Variants in SLC44A5 observed in about 807,000 individuals in gnomAD.
SLC44A5 encodes choline transporter-like protein 5.
SLC44A5 carries 57 observed loss-of-function variants against 101.8 expected under a neutral mutation model. The observed-to-expected ratio is 0.56, with a 90% CI of 0.45 to 0.70. The LOEUF (loss-of-function observed/expected upper bound fraction) is 0.70, where lower values mean the gene tolerates loss of function less well. Ranked by LOEUF, SLC44A5 falls within the 30% of genes least tolerant of loss-of-function variation. The pLI, the probability that SLC44A5 is intolerant of heterozygous loss-of-function variation, is 0.00. For missense variants in SLC44A5, 737 were observed against 853.1 expected (o/e 0.86, Z 1.70); for synonymous variants, 281 against 290.9 (o/e 0.97, Z 0.35).
chr1:75,453,250 A>G (rs1666004751), intron 2 of SLC44A5, among the ~76,000 whole-genome samples: 2 of 152,182 alleles, frequency 1.3e-5, no homozygotes, highest in African/African-American at 4.8e-5. Context: ...CCACACAATT[A>G]CATAGAAATT....
At position 75,476,858 on chromosome 1, in the gene SLC44A5, G is replaced by A. The variant is rs4478772; in HGVS notation, c.13+64577C>T. 2.0e-3 allele frequency among the ~76,000 whole-genome samples: 306 copies of A among 152,340 alleles called. 1 individual carries two copies. Among genetic ancestry groups the A allele is most frequent in the African/African-American group, 7.2e-3 (300 of 41,584 alleles). On this transcript the variant is annotated intron_variant, in intron 2 of 23. Transcript: ENST00000370859. Reference sequence around the variant, plus strand: ...AAACAAAAAGACAGCAGTAACCTCTGCAGACTTAAATGTTCCTGTCTGACA... The same window carrying A: ...AAACAAAAAGACAGCAGTAACCTCTACAGACTTAAATGTTCCTGTCTGACA...
chr1:75,217,274 C>T (rs1418300453), intron 18 of SLC44A5, among the ~76,000 whole-genome samples: 1 of 151,986 alleles, frequency 6.6e-6, no homozygotes, highest in East Asian at 1.9e-4. Context: ...TATTTTACCT[C>T]TATATGTCTG....
At chr1:75,392,228 A>C (rs915965067) in intron 3 of SLC44A5, among the ~76,000 whole-genome samples, 9 of 152,136 alleles carry the variant, frequency 5.9e-5, no homozygotes, top group Non-Finnish European at 1.0e-4. Context: ...ACAGGTAAAG[A>C]GACAACTGAC....
At chr1:75,578,092 TA>T (rs1673475015) in intron 1 of SLC44A5, among the ~76,000 whole-genome samples, 1 of 152,134 alleles carries the variant, frequency 6.6e-6, no homozygotes, top group African/African-American at 2.4e-5. Flanking sequence ...AACTAGTTTT[TA>T]ATAGCTTTTA....
chr1:75,550,921 T>C (rs897692939), intron 1 of SLC44A5, among the ~76,000 whole-genome samples: 1 of 152,176 alleles, frequency 6.6e-6, no homozygotes, highest in African/African-American at 2.4e-5. Flanking sequence ...AATATTACTT[T>C]AACTTTTCTA....
chr1:75,517,481 G>A (rs539838745), intron 2 of SLC44A5, among the ~76,000 whole-genome samples: 1 of 152,044 alleles, frequency 6.6e-6, no homozygotes, highest in Non-Finnish European at 1.5e-5. Flanking sequence ...GGATCAAACA[G>A]CCCCAAAAAA....
chr1:75,333,779 G>A (rs547990499), intron 4 of SLC44A5, among the ~76,000 whole-genome samples: 25 of 152,236 alleles, frequency 1.6e-4, no homozygotes, highest in African/African-American at 5.5e-4. Flanking sequence ...GGAGTAAGAA[G>A]AATGTAGAAA....
the SLC44A5 span, among the ~76,000 whole-genome samples, chr1:75,680,491 C>T: frequency 2.6e-5 from 4 of 151,264 alleles, no homozygotes; most frequent in Non-Finnish European, 5.9e-5. Flanking sequence ...GGAAACTGAA[C>T]AACCTGCTCC....
At chr1:75,415,379 G>A (rs1234069956) in intron 2 of SLC44A5, among the ~76,000 whole-genome samples, 1 of 152,146 alleles carries the variant, frequency 6.6e-6, no homozygotes, top group African/African-American at 2.4e-5. Context: ...TGTAGGATGT[G>A]ATTTGCTCTT....
chr1:75,461,605 T>C (rs1666502639), intron 2 of SLC44A5, among the ~76,000 whole-genome samples: 1 of 152,204 alleles, frequency 6.6e-6, no homozygotes, highest in South Asian at 2.1e-4. Context: ...ATTGAGTTAC[T>C]GTCTAGGCCA....
chr1:75,510,456 A>C (rs2101868217), intron 2 of SLC44A5, among the ~76,000 whole-genome samples: 1 of 152,344 alleles, frequency 6.6e-6, no homozygotes, highest in East Asian at 1.9e-4. Context: ...TATGGGTACA[A>C]AAATTGAAAA....
intron 21 of SLC44A5, 61 bp downstream of exon 21, chr1:75,213,858 A>G: frequency 6.5e-7 from 1 of 1,532,370 alleles, no homozygotes; most frequent in Non-Finnish European, 8.9e-7. Flanking sequence ...TTTGTAGTAA[A>G]GCAGTTTTTC....
chr1:75,388,100 T>C (rs1661507821), intron 3 of SLC44A5, among the ~76,000 whole-genome samples: 1 of 134,622 alleles, frequency 7.4e-6, no homozygotes, highest in Non-Finnish European at 1.6e-5. Flanking sequence ...TTGGGAGATA[T>C]ACCTAATGCT....
the SLC44A5 span, among the ~76,000 whole-genome samples, chr1:75,680,309 A>C: frequency 6.6e-6 from 1 of 151,584 alleles, no homozygotes; most frequent in Admixed American, 6.6e-5. Context: ...CAGAATATAC[A>C]TTTTTTTCAG....
chr1:75,251,231 G>A lies in SLC44A5; in HGVS notation c.324C>T (p.Asn108=). Residue 108 remains asparagine (N), a synonymous_variant, in exon 7 of 24, where the codon AAC becomes AAT. Coordinates refer to ENST00000370859, the MANE Select transcript of SLC44A5 (RefSeq NM_001130058.2). The part of the protein sequence containing the change: ...LRCTSPSVLL[N]LQCPTTQICV... ...TTACCTGTGTGGTAGGGCACTGTAG[G>A]TTTAGCAACACGGAGGGACTGGTAC... 6.2e-7 allele frequency: 1 copy of A among 1,613,340 alleles called. No individual in the cohort carries two copies. The highest frequency in any genetic ancestry group is 8.5e-7 in the Non-Finnish European group (1 of 1,179,430).
At chr1:75,465,087 T>C (rs975150894) in intron 2 of SLC44A5, among the ~76,000 whole-genome samples, 7 of 152,184 alleles carry the variant, frequency 4.6e-5, no homozygotes, top group African/African-American at 1.2e-4. Context: ...AGAATACACA[T>C]TTTTTGTTCA....
chr1:75,356,022 A>G (rs936325333), intron 3 of SLC44A5, among the ~76,000 whole-genome samples: 1 of 151,658 alleles, frequency 6.6e-6, no homozygotes, highest in Non-Finnish European at 1.5e-5. Context: ...GACCAGCCTC[A>G]TCAACATGGT....
chr1:75,525,112 T>C (rs896941327), intron 2 of SLC44A5, among the ~76,000 whole-genome samples: 6 of 152,152 alleles, frequency 3.9e-5, no homozygotes, highest in African/African-American at 1.4e-4. Flanking sequence ...AAATAATTAT[T>C]TCAGGCAAAG....
rs1307032127 is a variant in SLC44A5, at chr1:75,203,833, A to T, written c.2048T>A (p.Leu683Ter). 2 of 1,547,924 alleles carry T rather than the reference A, an allele frequency of 1.3e-6. No homozygotes were observed. Among genetic ancestry groups the T allele is most frequent in the African/African-American group, 2.7e-5 (2 of 72,862 alleles). ...ACCATCATTTCTTTCTAAATCTTCCACTAGGAGGAAGAATGGTACAGAGTA... is the reference window on the plus strand; with the variant it reads ...ACCATCATTTCTTTCTAAATCTTCCTCTAGGAGGAAGAATGGTACAGAGTA... Reference protein sequence around the residue: ...MCVETIFICFLEDLERNDGST... With the variant: ...MCVETIFICF The change falls in exon 24 of 24, where the codon TTG (leucine) becomes TAG (stop). Residue 683 changes from leucine to a stop codon, truncating the protein, a stop_gained and splice_region_variant. Coordinates refer to ENST00000370859, the MANE Select transcript of SLC44A5 (RefSeq NM_001130058.2). LOFTEE classifies it low-confidence loss of function (END_TRUNC).
Sources: gnomAD v4.1 joint callset for allele counts (sites outside exome capture counted in the v4.1 genomes callset) on GRCh38, gnomAD v4.1.1 for gene constraint, MANE v1.5 for transcripts, NCBI Gene and HGNC (gene_info 2026-07-23, HGNC 2026-07-21) for gene names.